Variants in GRID2 observed in about 807,000 individuals in gnomAD.
GRID2 encodes glutamate receptor ionotropic, delta-2.
In GRID2, 33 loss-of-function variants were observed where a neutral mutation model predicts 114.8. The observed-to-expected ratio is 0.29, with a 90% CI of 0.22 to 0.38. The LOEUF is 0.38. Ranked by LOEUF, GRID2 falls within the 10% of genes least tolerant of loss-of-function variation. GRID2 has a pLI of 1.00. For synonymous variants in GRID2, 505 were observed against 449.9 expected, an observed-to-expected ratio of 1.12 and a Z score of -1.55; for missense variants, 1,184 against 1,257.7, an observed-to-expected ratio of 0.94 and a Z score of 0.89.
intron 1 of GRID2, among the ~76,000 whole-genome samples, chr4:92,499,181 C>T: frequency 6.6e-6 from 1 of 151,768 alleles, no homozygotes; most frequent in East Asian, 1.9e-4. Flanking sequence ...TTATTGATTA[C>T]ATTTCAGAGC....
intron 8 of GRID2, among the ~76,000 whole-genome samples, chr4:93,245,446 T>C (rs1192455982): frequency 1.3e-5 from 2 of 152,216 alleles, no homozygotes; most frequent in South Asian, 2.1e-4. Flanking sequence ...ATTTTAATGG[T>C]TAAGCAAGAT....
intron 2 of GRID2, among the ~76,000 whole-genome samples, chr4:92,970,643 G>A (rs1349854728): frequency 6.6e-6 from 1 of 151,874 alleles, no homozygotes; most frequent in Non-Finnish European, 1.5e-5. Context: ...TCACTTTCGT[G>A]TTAGTCTTTA....
chr4:92,721,622 A>G (rs1207456920), intron 2 of GRID2, among the ~76,000 whole-genome samples: 3 of 152,186 alleles, frequency 2.0e-5, no homozygotes, highest in African/African-American at 4.8e-5. Context: ...AGACAGAATT[A>G]TAGCATTAAA....
At chr4:92,644,456 T>C (rs1450754318) in intron 2 of GRID2, among the ~76,000 whole-genome samples, 1 of 151,788 alleles carries the variant, frequency 6.6e-6, no homozygotes, top group Non-Finnish European at 1.5e-5. Flanking sequence ...GTTGTCAGGC[T>C]GTAGCTCTCA....
At chr4:93,753,092 A>G (rs1332419654) in intron 14 of GRID2, among the ~76,000 whole-genome samples, 1 of 152,188 alleles carries the variant, frequency 6.6e-6, no homozygotes. Context: ...AGATTGTTAG[A>G]TATGATCTTC....
At chr4:93,197,488 A>T (rs1013841716) in intron 4 of GRID2, among the ~76,000 whole-genome samples, 1 of 152,168 alleles carries the variant, frequency 6.6e-6, no homozygotes, top group Non-Finnish European at 1.5e-5. Flanking sequence ...ATACATAGTA[A>T]GCACTCAACA....
In GRID2 at chr4:92,871,631, A is replaced by G. The variant is rs188108855; in HGVS notation, c.245-213364A>G. ...GCAGGGAAGAGGGTATAGGAAGCCA[A>G]TAATTTAGAAACTTAATGACTTACA... On this transcript the variant is annotated intron_variant, in intron 2 of 15. Transcript: ENST00000282020. 2.0e-3 allele frequency among the ~76,000 whole-genome samples: 300 copies of G among 152,266 alleles called. 3 individuals are homozygous for G. Among genetic ancestry groups the G allele is most frequent in the African/African-American group, 6.9e-3 (286 of 41,554 alleles).
intron 2 of GRID2, among the ~76,000 whole-genome samples, chr4:92,666,554 G>T (rs543034186): frequency 6.8e-4 from 102 of 150,422 alleles, no homozygotes; most frequent in African/African-American, 2.3e-3. Context: ...CCTTCACCTG[G>T]ATATGCTGCT....
chr4:93,104,456 A>C (rs1452794265), intron 3 of GRID2, among the ~76,000 whole-genome samples: 61 of 131,680 alleles, frequency 4.6e-4, no homozygotes, highest in African/African-American at 9.6e-4. Flanking sequence ...ATCCCTCCCC[A>C]CTCCCCCCAC....
chr4:93,735,311 A>G (rs1393682534), intron 14 of GRID2, among the ~76,000 whole-genome samples: 2 of 152,040 alleles, frequency 1.3e-5, no homozygotes, highest in African/African-American at 4.8e-5. Flanking sequence ...TTGGTTATTC[A>G]AAAAGGACTT....
intron 1 of GRID2, among the ~76,000 whole-genome samples, chr4:92,545,949 T>C (rs904350824): frequency 6.6e-6 from 1 of 152,198 alleles, no homozygotes; most frequent in Non-Finnish European, 1.5e-5. Flanking sequence ...TCAATGCAAC[T>C]TTATTCTAGG....
chr4:93,536,650 T>C (rs1578211301), intron 13 of GRID2, among the ~76,000 whole-genome samples: 1 of 149,812 alleles, frequency 6.7e-6, no homozygotes, highest in East Asian at 1.9e-4. Context: ...TTGACTTCTT[T>C]TTTTTTTTTT....
chr4:93,106,510 C>T (rs1035235965), intron 3 of GRID2, among the ~76,000 whole-genome samples: 1 of 152,072 alleles, frequency 6.6e-6, no homozygotes, highest in African/African-American at 2.4e-5. Flanking sequence ...CCACACCCAG[C>T]TAATTTTTTG....
intron 13 of GRID2, among the ~76,000 whole-genome samples, chr4:93,523,675 G>C (rs900143504): frequency 6.6e-5 from 10 of 152,118 alleles, no homozygotes; most frequent in Admixed American, 2.6e-4. Context: ...ATTGCCAGGT[G>C]CTTACTGAGG....
intron 1 of GRID2, among the ~76,000 whole-genome samples, chr4:92,332,988 G>A (rs944210126): frequency 6.6e-6 from 1 of 152,156 alleles, no homozygotes; most frequent in African/African-American, 2.4e-5. Flanking sequence ...GGCTGGAATT[G>A]TACTCTGGGG....
intron 2 of GRID2, among the ~76,000 whole-genome samples, chr4:92,837,193 T>C (rs1283432284): frequency 6.6e-6 from 1 of 152,070 alleles, no homozygotes. Context: ...ACAATCCTGA[T>C]GAACGAGGGG....
chr4:92,394,243 A>C (rs1560604459), intron 1 of GRID2, among the ~76,000 whole-genome samples: 1 of 152,242 alleles, frequency 6.6e-6, no homozygotes, highest in East Asian at 1.9e-4. Context: ...ATTATAATTT[A>C]TCAACTATTT....
intron 1 of GRID2, among the ~76,000 whole-genome samples, chr4:92,367,249 T>C (rs1375565972): frequency 1.3e-5 from 2 of 152,108 alleles, no homozygotes; most frequent in Non-Finnish European, 2.9e-5. Flanking sequence ...TCTAATCCTA[T>C]AAGCCTTGCT....
chr4:92,445,860 C>T (rs536742307), intron 1 of GRID2, among the ~76,000 whole-genome samples: 1 of 152,238 alleles, frequency 6.6e-6, no homozygotes, highest in Non-Finnish European at 1.5e-5. Context: ...TAATCATTTC[C>T]CATGCTTTAA....
Sources: allele counts gnomAD v4.1 joint callset (sites outside exome capture counted in the v4.1 genomes callset), GRCh38; gene constraint gnomAD v4.1.1; transcripts MANE v1.5; gene names NCBI Gene and HGNC (gene_info 2026-07-23, HGNC 2026-07-21).